The following RANBP2 variants were observed in gnomAD, a reference collection of about 807,000 sequenced individuals.
RANBP2 encodes RAN binding protein 2.
In RANBP2, 57 loss-of-function variants were observed where a neutral mutation model predicts 303.6. The observed-to-expected ratio is 0.19, with a 90% CI of 0.15 to 0.23. RANBP2 has a LOEUF of 0.23. Among genes scored for constraint, RANBP2 ranks in the 10% least tolerant of loss-of-function variants. The pLI is 1.00. For missense variants in RANBP2, 3,138 were observed against 3,780.8 expected (o/e 0.83, Z 4.46); for synonymous variants, 1,167 against 1,301.5 (o/e 0.90, Z 2.23).
At chr2:109,009,717 T>G in the RANBP2 span, among the ~76,000 whole-genome samples, 1 of 150,268 alleles carries the variant, frequency 6.7e-6, no homozygotes, top group Non-Finnish European at 1.5e-5. Flanking sequence ...TTTTGTTTTT[T>G]TTTTTTTTGC....
the RANBP2 span, among the ~76,000 whole-genome samples, chr2:109,633,521 C>T: frequency 6.6e-6 from 1 of 152,176 alleles, no homozygotes. Flanking sequence ...AGGGAAGCAG[C>T]TACCACCCTC....
the RANBP2 span, among the ~76,000 whole-genome samples, chr2:109,590,072 A>T: frequency 2.0e-5 from 3 of 148,216 alleles, no homozygotes; most frequent in East Asian, 5.9e-4. Context: ...ATATACACAC[A>T]CATATATATG....
chr2:109,598,788 G>A, the RANBP2 span, among the ~76,000 whole-genome samples: 3 of 152,028 alleles, frequency 2.0e-5, no homozygotes, highest in Admixed American at 6.6e-5. Flanking sequence ...CAGGAGGCAG[G>A]AGAACTGCTT....
chr2:109,423,240 G>A, the RANBP2 span, among the ~76,000 whole-genome samples: 3 of 152,128 alleles, frequency 2.0e-5, no homozygotes, highest in East Asian at 5.8e-4. Flanking sequence ...GGGGAATCGT[G>A]GCCAGCGGTT....
At chr2:108,898,377 A>C in the RANBP2 span, among the ~76,000 whole-genome samples, 1 of 152,194 alleles carries the variant, frequency 6.6e-6, no homozygotes, top group African/African-American at 2.4e-5. Context: ...CTTGAGTGTT[A>C]GTGAAGGTTG....
the RANBP2 span, among the ~76,000 whole-genome samples, chr2:109,370,780 TCCTTTCTCCTTCCA>T: frequency 1.3e-5 from 2 of 152,232 alleles, no homozygotes; most frequent in African/African-American, 4.8e-5. Flanking sequence ...GCCTGCCTCT[TCCTTTCTCCTTCCA>T]TCTGTTTCCA....
the RANBP2 span, among the ~76,000 whole-genome samples, chr2:108,824,905 A>G: frequency 6.6e-6 from 1 of 152,216 alleles, no homozygotes; most frequent in South Asian, 2.1e-4. Flanking sequence ...ATATGTGGTC[A>G]GTTGACCGAA....
At chr2:109,370,373 G>A in the RANBP2 span, among the ~76,000 whole-genome samples, 1 of 152,120 alleles carries the variant, frequency 6.6e-6, no homozygotes, top group African/African-American at 2.4e-5. Flanking sequence ...CCAAGTAGCT[G>A]GGACTACAGG....
At chr2:108,850,799 CTG>C in the RANBP2 span, among the ~76,000 whole-genome samples, 2 of 152,108 alleles carry the variant, frequency 1.3e-5, no homozygotes, top group Admixed American at 6.6e-5. Context: ...AACTCTTTAA[CTG>C]TGTTTTTTCT....
chr2:109,461,742 C>T, the RANBP2 span, among the ~76,000 whole-genome samples: 1 of 152,238 alleles, frequency 6.6e-6, no homozygotes, highest in Non-Finnish European at 1.5e-5. Context: ...CCTCAGGCAC[C>T]ACTGGATCTC....
chr2:109,266,657 G>A, the RANBP2 span, among the ~76,000 whole-genome samples: 2 of 151,898 alleles, frequency 1.3e-5, no homozygotes, highest in Non-Finnish European at 2.9e-5. Context: ...TCAGCACAAA[G>A]GGCAGCTCAG....
chr2:108,763,984 A>T lies in RANBP2; in HGVS notation c.3445A>T (p.Thr1149Ser), dbSNP rs1676934557. The T allele has an allele frequency of 6.8e-6, 11 of 1,613,944 alleles. No individual in the cohort carries two copies. The highest frequency in any genetic ancestry group is 9.3e-6 in the Non-Finnish European group (11 of 1,179,896). Residue 1149 changes from threonine (T) to serine (S), a missense_variant, in exon 20 of 29, where the codon ACA becomes TCA. Physicochemically the swap from Thr to Ser is moderately conservative, Grantham distance 58. Coordinates refer to ENST00000283195, the MANE Select transcript of RANBP2 (RefSeq NM_006267.5). Reference sequence around the variant, plus strand: ...AGTATTTGGAACACCCACTTTAGAGACAGCAAACAAGAATCATGAGACAGA... The same window carrying T: ...AGTATTTGGAACACCCACTTTAGAGTCAGCAAACAAGAATCATGAGACAGA... ...KSVFGTPTLE[T>S]ANKNHETDGG...
chr2:108,803,109 G>T, the RANBP2 span, among the ~76,000 whole-genome samples: 5 of 152,200 alleles, frequency 3.3e-5, no homozygotes, highest in Admixed American at 3.3e-4. Context: ...TTGCTATGCT[G>T]CTCTGGGTGT....
At chr2:109,153,523 T>C in the RANBP2 span, among the ~76,000 whole-genome samples, 106,161 of 152,134 alleles carry the variant, frequency 0.7, 38,197 homozygotes, top group African/African-American at 0.76. Context: ...AGAGGAAGCA[T>C]GGGCTCGGCT....
At chr2:109,140,785 T>A in the RANBP2 span, among the ~76,000 whole-genome samples, 4 of 152,252 alleles carry the variant, frequency 2.6e-5, no homozygotes, top group African/African-American at 9.6e-5. Flanking sequence ...ATATGATTGA[T>A]GTTAAAGGTA....
chr2:108,979,404 T>A, the RANBP2 span, among the ~76,000 whole-genome samples: 5 of 151,762 alleles, frequency 3.3e-5, no homozygotes, highest in East Asian at 3.9e-4. Flanking sequence ...CCAAGCCCCA[T>A]CCCAAGCTTT....
the RANBP2 span, among the ~76,000 whole-genome samples, chr2:109,476,669 C>A: frequency 2.0e-5 from 3 of 152,180 alleles, no homozygotes; most frequent in South Asian, 4.1e-4. Context: ...CTTGGATCTC[C>A]CGCAAGAAAG....
the RANBP2 span, among the ~76,000 whole-genome samples, chr2:109,740,673 G>C: frequency 6.6e-6 from 1 of 151,540 alleles, no homozygotes; most frequent in Non-Finnish European, 1.5e-5. Flanking sequence ...TAAACCTTTA[G>C]TCAGGCTAAT....
the RANBP2 span, among the ~76,000 whole-genome samples, chr2:109,760,910 G>T: frequency 7.4e-6 from 1 of 134,260 alleles, no homozygotes; most frequent in South Asian, 2.6e-4. Flanking sequence ...CGCCTGCCTC[G>T]CCAGCCCTTT....
Sources: gnomAD v4.1 joint callset for allele counts (sites outside exome capture counted in the v4.1 genomes callset) on GRCh38, gnomAD v4.1.1 for gene constraint, MANE v1.5 for transcripts, NCBI Gene and HGNC (gene_info 2026-07-23, HGNC 2026-07-21) for gene names.